RDH10: variants seen among roughly 807,000 people sequenced by gnomAD.
RDH10 encodes the protein retinol dehydrogenase 10 (all-trans).
Under a neutral mutation model 30.2 loss-of-function variants are expected in RDH10, and 12 were observed. That is an observed-to-expected ratio of 0.40 (90% CI 0.25 to 0.64). The LOEUF is 0.64. Ranked by LOEUF, RDH10 falls within the 30% of genes least tolerant of loss-of-function variation. RDH10 has a pLI of 0.43. For missense variants in RDH10, 268 were observed against 445.2 expected, an observed-to-expected ratio of 0.60 and a Z score of 3.58; for synonymous variants, 189 against 172.2, an observed-to-expected ratio of 1.10 and a Z score of -0.76.
At chr8:73,296,483 G>A (rs577684395) in intron 1 of RDH10, among the ~76,000 whole-genome samples, 59 of 152,262 alleles carry the variant, frequency 3.9e-4, no homozygotes, top group African/African-American at 1.4e-3. Context: ...GTATGGAGGT[G>A]TAGCAAATAC....
At chr8:73,308,412 T>C (rs1374786296) in intron 2 of RDH10, among the ~76,000 whole-genome samples, 2 of 152,030 alleles carry the variant, frequency 1.3e-5, no homozygotes, top group African/African-American at 4.8e-5. Flanking sequence ...TATAAAGGGG[T>C]AATTATTCCC....
intron 1 of RDH10, chr8:73,295,889 A>C: frequency 8.5e-7 from 1 of 1,178,570 alleles, no homozygotes. Flanking sequence ...ACAGGTTTGG[A>C]TCCCAAAGAA....
intron 3 of RDH10, among the ~76,000 whole-genome samples, chr8:73,319,535 CAAAG>C (rs933071550): frequency 1.3e-5 from 2 of 152,192 alleles, no homozygotes; most frequent in Non-Finnish European, 2.9e-5. Context: ...TAAAACAAAA[CAAAG>C]AAAGGGAATG....
At chr8:73,306,455 C>T (rs1814464330) in intron 2 of RDH10, among the ~76,000 whole-genome samples, 1 of 152,212 alleles carries the variant, frequency 6.6e-6, no homozygotes, top group Non-Finnish European at 1.5e-5. Flanking sequence ...TTCCTAAATG[C>T]TCTGAAACTG....
At chr8:73,313,712 A>G (rs1814613129) in intron 2 of RDH10, among the ~76,000 whole-genome samples, 3 of 152,220 alleles carry the variant, frequency 2.0e-5, no homozygotes, top group African/African-American at 7.2e-5. Flanking sequence ...AGAGTCAACC[A>G]TATTTTCCTG....
At chr8:73,310,731 G>A (rs1814549376) in intron 2 of RDH10, among the ~76,000 whole-genome samples, 1 of 152,182 alleles carries the variant, frequency 6.6e-6, no homozygotes, top group African/African-American at 2.4e-5. Context: ...TTATTAAATA[G>A]GGGGAGGGGC....
At chr8:73,299,401 T>C (rs769350096) in intron 2 of RDH10, among the ~76,000 whole-genome samples, 1 of 152,184 alleles carries the variant, frequency 6.6e-6, no homozygotes, top group Non-Finnish European at 1.5e-5. Flanking sequence ...ATCTTGTGTG[T>C]TTATGACTAA....
At chr8:73,298,276 A>G (rs1297460915) in intron 2 of RDH10, among the ~76,000 whole-genome samples, 2 of 152,208 alleles carry the variant, frequency 1.3e-5, no homozygotes, top group Non-Finnish European at 2.9e-5. Flanking sequence ...TTCAATAAAG[A>G]AGGAGTAAAG....
chr8:73,311,784 C>T (rs1484241698), intron 2 of RDH10: 2 of 152,182 alleles, frequency 1.3e-5, no homozygotes, highest in Non-Finnish European at 2.9e-5. Context: ...GAGAGTAGTT[C>T]CAGGCTTAAG....
chr8:73,315,716 G>A (rs931512548), intron 2 of RDH10: 10 of 331,482 alleles, frequency 3.0e-5, no homozygotes, highest in South Asian at 9.4e-5. Context: ...GAGTGGACAC[G>A]TGAGTGAGTG....
chr8:73,312,245 C>G (rs1345424449), intron 2 of RDH10: 3 of 152,190 alleles, frequency 2.0e-5, no homozygotes, highest in South Asian at 2.1e-4. Context: ...CTGTGGAAGT[C>G]AATGTCTACT....
chr8:73,295,677 C>A, intron 1 of RDH10, 99 bp downstream of exon 1: 1 of 1,229,286 alleles, frequency 8.1e-7, no homozygotes, highest in Non-Finnish European at 1.1e-6. Flanking sequence ...GTCAGCCCCG[C>A]TGTGGAGGAA....
At chr8:73,302,945 A>G (rs982174366) in intron 2 of RDH10, among the ~76,000 whole-genome samples, 4 of 152,236 alleles carry the variant, frequency 2.6e-5, no homozygotes, top group Admixed American at 6.5e-5. Flanking sequence ...AAAAGCATTT[A>G]ACTCCAGGCC....
chr8:73,298,748 G>C (rs370293756), intron 2 of RDH10, among the ~76,000 whole-genome samples: 2 of 152,032 alleles, frequency 1.3e-5, no homozygotes, highest in Non-Finnish European at 2.9e-5. Flanking sequence ...GGCTGGTTGC[G>C]AACTCCTGAG....
At position 73,295,011 on chromosome 8, in the gene RDH10, G is replaced by A. The variant is rs557668562; in HGVS notation, c.-279G>A. On this transcript the variant is annotated 5_prime_UTR_variant, in exon 1 of 6. Coordinates refer to ENST00000240285, the MANE Select transcript of RDH10 (RefSeq NM_172037.5). ...GGAGCCGGCCGGCCGGGCGCTGCGG[G>A]ACGGGCGGGCGGCTGCCGGCAGGAG... 2,408 of 373,644 alleles carry A rather than the reference G, an allele frequency of 6.4e-3. 25 individuals are homozygous for A. The highest frequency in any genetic ancestry group is 0.045 in the South Asian group (343 of 7,678). The allele number at this position is 373,644 out of a possible 1,614,324, so 23.1% of individuals were successfully genotyped here.
intron 2 of RDH10, among the ~76,000 whole-genome samples, chr8:73,317,623 A>T (rs1490978074): frequency 6.6e-6 from 1 of 152,166 alleles, no homozygotes; most frequent in African/African-American, 2.4e-5. Flanking sequence ...CACAAAAATT[A>T]TAACAAATTA....
chr8:73,300,919 C>CTTTTCTT (rs1563547151), intron 2 of RDH10, among the ~76,000 whole-genome samples: 1 of 151,944 alleles, frequency 6.6e-6, no homozygotes, highest in Non-Finnish European at 1.5e-5. Flanking sequence ...TAAGGTTTTT[C>CTTTTCTT]TTTTCTTTCC....
chr8:73,301,356 C>CT (rs1226174556), intron 2 of RDH10, among the ~76,000 whole-genome samples: 1 of 151,720 alleles, frequency 6.6e-6, no homozygotes, highest in African/African-American at 2.4e-5. Flanking sequence ...GGCCAAAACT[C>CT]TATTCTTAAG....
At chr8:73,295,901 T>C (rs1440846502) in intron 1 of RDH10, 4 of 1,127,908 alleles carry the variant, frequency 3.5e-6, no homozygotes, top group African/African-American at 1.6e-5. Context: ...CCCAAAGAAA[T>C]GTCTTGCTCC....
Sources: gnomAD v4.1 joint callset for allele counts (sites outside exome capture counted in the v4.1 genomes callset) on GRCh38, gnomAD v4.1.1 for gene constraint, MANE v1.5 for transcripts, NCBI Gene and HGNC (gene_info 2026-07-23, HGNC 2026-07-21) for gene names.